Variants in CCSER1 observed in about 807,000 individuals in gnomAD.
CCSER1 encodes the protein serine-rich coiled-coil domain-containing protein 1.
Under a neutral mutation model 82.0 loss-of-function variants are expected in CCSER1, and 41 were observed. The ratio of observed to expected loss-of-function variants is 0.50; its 90% CI spans 0.39 to 0.65. The LOEUF (loss-of-function observed/expected upper bound fraction) is 0.65. Ranked by LOEUF, CCSER1 falls within the 30% of genes least tolerant of loss-of-function variation. The probability of loss-of-function intolerance (pLI) is 0.00; values close to 1 mark genes in which losing one functional copy is unlikely to be tolerated. For synonymous variants in CCSER1, 414 were observed against 383.9 expected (o/e 1.08, Z -0.92); for missense variants, 1,119 against 1,064.2 (o/e 1.05, Z -0.72).
chr4:91,358,333 A>ATT lies in CCSER1; in HGVS notation c.2218-240227_2218-240226dup, dbSNP rs367984620. Among the ~76,000 whole-genome samples the ATT allele has an allele frequency of 6.5e-3, 858 of 132,608 alleles. 7 individuals carry two copies. The highest frequency in any genetic ancestry group is 0.021 in the African/African-American group (730 of 34,764). The allele number at this position is 132,608 out of a possible 152,430, so 87.0% of individuals were successfully genotyped here. A position where few individuals can be genotyped will look rare whatever the true frequency, so the allele number is the denominator to read the frequency against. On this transcript the variant is annotated intron_variant, in intron 10 of 10. Coordinates refer to ENST00000509176, the MANE Select transcript of CCSER1 (RefSeq NM_001145065.2). The stretch of plus-strand genomic sequence containing the variant: ...CCAGGCTTCCTCAATTCTTTCTTGA[A>ATT]TTTTTTTTTTTTTAACATAGTTCCC...
Position 91,266,531 on chromosome 4 carries a change from G to T in CCSER1, c.2217+180537G>T, listed in dbSNP as rs550925769. On this transcript the variant is annotated intron_variant, in intron 10 of 10. Transcript: ENST00000509176. ...CTCCCAAAGTGCTGGGATTACAGAC[G>T]TGAGCCACAGCGCCCGGCCTTAAGC... Among the ~76,000 whole-genome samples, 72 of 152,160 alleles carry T rather than the reference G, an allele frequency of 4.7e-4. No individual in the cohort carries two copies. The East Asian group carries it at 0.01, about 22-fold the overall frequency.
intron 10 of CCSER1, among the ~76,000 whole-genome samples, chr4:91,580,233 T>G (rs768486412): frequency 4.0e-5 from 6 of 151,810 alleles, no homozygotes; most frequent in Non-Finnish European, 8.8e-5. Flanking sequence ...CCATGGAAAT[T>G]TTCTTTTGGT....
At position 90,492,065 on chromosome 4, in the gene CCSER1, G is replaced by T. The variant is rs544140290; in HGVS notation, c.1724+23711G>T. Among the ~76,000 whole-genome samples, 85 of 152,124 alleles carry T rather than the reference G, an allele frequency of 5.6e-4. 1 individual carries two copies. The highest frequency in any genetic ancestry group is 1.8e-3 in the African/African-American group (76 of 41,514). On this transcript the variant is annotated intron_variant, in intron 5 of 10. Transcript: ENST00000509176. ...TTAGGGAGGATTCCCTCTTTTTCTA[G>T]TGATTGGAATAGTTTCAGAAGGAAT...
chr4:90,398,910 C>T (rs1326570312), intron 3 of CCSER1, among the ~76,000 whole-genome samples: 3 of 152,048 alleles, frequency 2.0e-5, no homozygotes, highest in Non-Finnish European at 2.9e-5. Context: ...AGTGTCCTTA[C>T]TTTTAAACCC....
intron 10 of CCSER1, among the ~76,000 whole-genome samples, chr4:91,335,670 A>G (rs1747270208): frequency 6.6e-6 from 1 of 152,092 alleles, no homozygotes; most frequent in Admixed American, 6.6e-5. Flanking sequence ...AGCTGATACC[A>G]TGTTTTATAG....
intron 10 of CCSER1, among the ~76,000 whole-genome samples, chr4:91,294,206 A>G (rs1052519168): frequency 6.6e-6 from 1 of 151,978 alleles, no homozygotes; most frequent in Non-Finnish European, 1.5e-5. Flanking sequence ...TATGATACTC[A>G]TTTCTAAATC....
At chr4:90,850,081 A>G (rs1367768373) in intron 8 of CCSER1, among the ~76,000 whole-genome samples, 1 of 152,034 alleles carries the variant, frequency 6.6e-6, no homozygotes, top group Non-Finnish European at 1.5e-5. Flanking sequence ...GGGCCAAGGT[A>G]CTCCTCAGAC....
intron 10 of CCSER1, among the ~76,000 whole-genome samples, chr4:91,393,262 T>C (rs1307055840): frequency 1.3e-5 from 2 of 152,090 alleles, no homozygotes; most frequent in Non-Finnish European, 2.9e-5. Flanking sequence ...ATCTTAAGTT[T>C]TGTTATTTAA....
At chr4:91,266,539 C>T (rs1741602704) in intron 10 of CCSER1, among the ~76,000 whole-genome samples, 1 of 152,024 alleles carries the variant, frequency 6.6e-6, no homozygotes, top group Non-Finnish European at 1.5e-5. Context: ...ACGTGAGCCA[C>T]AGCGCCCGGC....
At chr4:90,176,771 C>T (rs1732773126) in intron 1 of CCSER1, among the ~76,000 whole-genome samples, 1 of 151,982 alleles carries the variant, frequency 6.6e-6, no homozygotes, top group African/African-American at 2.4e-5. Flanking sequence ...CAGGAGGGAC[C>T]TTCTAGGAGG....
At chr4:90,577,608 A>G (rs1048096902) in intron 5 of CCSER1, among the ~76,000 whole-genome samples, 1 of 152,022 alleles carries the variant, frequency 6.6e-6, no homozygotes, top group Non-Finnish European at 1.5e-5. Flanking sequence ...TAGTTTGTTC[A>G]GCTTTTAAAT....
intron 1 of CCSER1, among the ~76,000 whole-genome samples, chr4:90,237,859 A>G (rs767130642): frequency 1.1e-4 from 16 of 152,224 alleles, no homozygotes; most frequent in Non-Finnish European, 1.6e-4. Context: ...GAGTAGTGGC[A>G]GCTGTCAAAC....
chr4:91,085,784 A>T (rs572039863), intron 9 of CCSER1, among the ~76,000 whole-genome samples, 166 bp from the exon 10 acceptor site: 7 of 152,252 alleles, frequency 4.6e-5, no homozygotes, highest in Admixed American at 4.6e-4. Context: ...TTACTTAGCT[A>T]CACACACATA....
chr4:90,859,568 C>T (rs1395045836), intron 8 of CCSER1, among the ~76,000 whole-genome samples: 1 of 151,640 alleles, frequency 6.6e-6, no homozygotes, highest in African/African-American at 2.4e-5. Context: ...TAATTGAATC[C>T]TAAAATCTGA....
At chr4:91,358,087 T>G (rs971085099) in intron 10 of CCSER1, among the ~76,000 whole-genome samples, 2 of 152,092 alleles carry the variant, frequency 1.3e-5, no homozygotes, top group African/African-American at 4.8e-5. Flanking sequence ...TTGTTTAGTC[T>G]AAATTAACTT....
chr4:91,390,678 T>A (rs1222094861), intron 10 of CCSER1, among the ~76,000 whole-genome samples: 1 of 152,028 alleles, frequency 6.6e-6, no homozygotes, highest in Non-Finnish European at 1.5e-5. Flanking sequence ...CTTAGATGTT[T>A]GGTAGAATTC....
At chr4:91,517,901 AGGG>A (rs373533469) in intron 10 of CCSER1, among the ~76,000 whole-genome samples, 8,372 of 152,046 alleles carry the variant, frequency 0.055, 241 homozygotes, top group Middle Eastern at 0.078. Flanking sequence ...TTGGTTTCAC[AGGG>A]GGGGTATGAT....
intron 5 of CCSER1, among the ~76,000 whole-genome samples, chr4:90,496,477 A>G (rs1769020015): frequency 6.6e-6 from 1 of 152,150 alleles, no homozygotes; most frequent in Non-Finnish European, 1.5e-5. Flanking sequence ...ATAAAAGACA[A>G]GTAGGTTTTA....
chr4:91,548,314 G>A (rs199681060), intron 10 of CCSER1, among the ~76,000 whole-genome samples: 1 of 151,932 alleles, frequency 6.6e-6, no homozygotes, highest in East Asian at 1.9e-4. Context: ...TATCATTGCT[G>A]CCATTCATTT....
Sources: gnomAD v4.1 joint callset for allele counts (sites outside exome capture counted in the v4.1 genomes callset) on GRCh38, gnomAD v4.1.1 for gene constraint, MANE v1.5 for transcripts, NCBI Gene and HGNC (gene_info 2026-07-23, HGNC 2026-07-21) for gene names.